The following MTHFD2L variants were observed in gnomAD, a reference collection of about 807,000 sequenced individuals.
MTHFD2L encodes methylenetetrahydrofolate dehydrogenase (NADP+ dependent) 2 like.
A neutral mutation model predicts 34.9 loss-of-function variants in MTHFD2L; 29 were observed. That is an observed-to-expected ratio of 0.83 (90% confidence interval 0.62 to 1.13). The LOEUF (loss-of-function observed/expected upper bound fraction) is 1.13. Among genes scored for constraint, MTHFD2L ranks in the 50% most tolerant of loss-of-function variants. MTHFD2L has a pLI of 0.00. For missense variants in MTHFD2L, 481 were observed against 446.5 expected, an observed-to-expected ratio of 1.08 and a Z score of -0.70; for synonymous variants, 167 against 155.7, an observed-to-expected ratio of 1.07 and a Z score of -0.54.
intron 1 of MTHFD2L, among the ~76,000 whole-genome samples, chr4:74,128,809 C>A (rs545305176): frequency 1.3e-5 from 2 of 151,976 alleles, no homozygotes; most frequent in Admixed American, 6.6e-5. Flanking sequence ...GCTTGTCATT[C>A]TTGAAGGCAG....
intron 6 of MTHFD2L, among the ~76,000 whole-genome samples, chr4:74,263,255 G>A (rs993505425): frequency 3.3e-5 from 5 of 151,692 alleles, no homozygotes; most frequent in Non-Finnish European, 5.9e-5. Flanking sequence ...ATTTGAAGTC[G>A]GGTAGCATGA....
rs1735999859 is a variant in MTHFD2L at position 74,209,853 on chromosome 4, T to C, written c.712+8483T>C. On this transcript the variant is annotated intron_variant, in intron 5 of 7. Transcript: ENST00000325278. ...CTATTTCTCCACATCTTCTCCAGCA[T>C]CTGTTGTTTCCTGACTTTTTAATGA... Among the ~76,000 whole-genome samples, 3 of 152,200 alleles carry C rather than the reference T, an allele frequency of 2.0e-5. No homozygotes were observed. The South Asian group carries it at 6.2e-4, about 32-fold the overall frequency.
intron 5 of MTHFD2L, among the ~76,000 whole-genome samples, chr4:74,210,696 A>C (rs530406425): frequency 5.3e-5 from 8 of 151,804 alleles, no homozygotes; most frequent in African/African-American, 1.7e-4. Context: ...GTTCCATATG[A>C]AATATATTTT....
At chr4:74,199,679 C>A in intron 3 of MTHFD2L, 115 bp from the exon 4 acceptor site, 2 of 823,630 alleles carry the variant, frequency 2.4e-6, no homozygotes, top group African/African-American at 1.7e-5. Context: ...AATGACTTTA[C>A]ACCTTTTTTA....
At chr4:74,121,514 T>A (rs1282649242), upstream of MTHFD2L, among the ~76,000 whole-genome samples, 1 of 150,306 alleles carries the variant, frequency 6.7e-6, no homozygotes, top group African/African-American at 2.5e-5. Flanking sequence ...CACCTGCACA[T>A]GGGACTATCT....
chr4:74,191,112 A>T (rs1188560295), intron 3 of MTHFD2L, among the ~76,000 whole-genome samples: 2 of 152,004 alleles, frequency 1.3e-5, no homozygotes, highest in African/African-American at 4.8e-5. Flanking sequence ...TGTTGGCCAG[A>T]CTGGTCTCAA....
intron 5 of MTHFD2L, among the ~76,000 whole-genome samples, chr4:74,206,647 AT>A (rs947735298): frequency 5.0e-4 from 74 of 147,354 alleles, no homozygotes; most frequent in East Asian, 7.9e-4. Context: ...GCCCAGTTAC[AT>A]TTTTTTTTTT....
chr4:74,127,835 T>G (rs1722188574), intron 1 of MTHFD2L, among the ~76,000 whole-genome samples: 1 of 152,116 alleles, frequency 6.6e-6, no homozygotes, highest in South Asian at 2.1e-4. Flanking sequence ...CCGTTTTTCA[T>G]AGTGGTCATT....
At chr4:74,119,326 C>A (rs952619019), upstream of MTHFD2L, among the ~76,000 whole-genome samples, 1 of 152,196 alleles carries the variant, frequency 6.6e-6, no homozygotes, top group African/African-American at 2.4e-5. Context: ...CTCTTTCCTG[C>A]ACTGCACACT....
At chr4:74,200,354 CA>C (rs1485707962) in intron 4 of MTHFD2L, among the ~76,000 whole-genome samples, 1 of 151,672 alleles carries the variant, frequency 6.6e-6, no homozygotes, top group East Asian at 1.9e-4. Flanking sequence ...AAAAAAAATC[CA>C]AAATAAAATG....
chr4:74,262,973 G>A (rs1394789749), intron 6 of MTHFD2L, among the ~76,000 whole-genome samples: 2 of 151,898 alleles, frequency 1.3e-5, no homozygotes, highest in Non-Finnish European at 1.5e-5. Flanking sequence ...ACCAATAGAG[G>A]AATAGAGTGT....
intron 1 of MTHFD2L, among the ~76,000 whole-genome samples, chr4:74,146,386 C>T (rs947846972): frequency 1.1e-4 from 16 of 151,896 alleles, no homozygotes; most frequent in African/African-American, 3.9e-4. Flanking sequence ...TAAAATTCAC[C>T]ATCATATCCC....
upstream of MTHFD2L, among the ~76,000 whole-genome samples, chr4:74,122,459 A>C (rs1721813182): frequency 6.6e-6 from 1 of 152,164 alleles, no homozygotes; most frequent in African/African-American, 2.4e-5. Flanking sequence ...CATCCCCATG[A>C]CTTAATCACC....
intron 6 of MTHFD2L, among the ~76,000 whole-genome samples, chr4:74,243,373 C>T (rs757715373): frequency 6.6e-6 from 1 of 152,152 alleles, no homozygotes; most frequent in Non-Finnish European, 1.5e-5. Flanking sequence ...TCATCACATT[C>T]CTATTTGGCT....
chr4:74,144,122 G>A (rs1036033416), intron 1 of MTHFD2L, among the ~76,000 whole-genome samples: 1 of 152,100 alleles, frequency 6.6e-6, no homozygotes, highest in Non-Finnish European at 1.5e-5. Flanking sequence ...GTATTCCTCA[G>A]TACATAAGAT....
chr4:74,274,191 C>T (rs778925166), intron 6 of MTHFD2L, among the ~76,000 whole-genome samples: 4 of 151,978 alleles, frequency 2.6e-5, no homozygotes, highest in African/African-American at 9.7e-5. Flanking sequence ...CTGGTTTATA[C>T]CCATTCCCTT....
upstream of MTHFD2L, among the ~76,000 whole-genome samples, chr4:74,121,464 T>C (rs148233065): frequency 3.7e-3 from 552 of 151,044 alleles, 5 homozygotes; most frequent in African/African-American, 0.013. Flanking sequence ...TGGAGTAGAC[T>C]GGACATAAGC....
chr4:74,206,490 T>C (rs1189770051), intron 5 of MTHFD2L, among the ~76,000 whole-genome samples: 1 of 152,090 alleles, frequency 6.6e-6, no homozygotes, highest in Admixed American at 6.6e-5. Flanking sequence ...GTTAGATAGA[T>C]ATGAGGGGAG....
At chr4:74,284,835 G>A (rs901419727) in intron 7 of MTHFD2L, among the ~76,000 whole-genome samples, 16 of 152,182 alleles carry the variant, frequency 1.1e-4, no homozygotes, top group African/African-American at 3.1e-4. Flanking sequence ...CCATGCCATT[G>A]CTGGGTATAT....
Sources: allele counts gnomAD v4.1 joint callset (sites outside exome capture counted in the v4.1 genomes callset), GRCh38; gene constraint gnomAD v4.1.1; transcripts MANE v1.5; gene names NCBI Gene and HGNC (gene_info 2026-07-23, HGNC 2026-07-21).